YTHDC2: variants seen among roughly 807,000 people sequenced by gnomAD.
The protein encoded by YTHDC2 is YTH N6-methyladenosine RNA binding protein C2.
A neutral mutation model predicts 174.9 loss-of-function variants in YTHDC2; 45 were observed. The observed-to-expected ratio is 0.26, with a 90% CI of 0.20 to 0.33. The LOEUF (loss-of-function observed/expected upper bound fraction) is 0.33. YTHDC2 is among the 10% of genes least tolerant of loss of function. YTHDC2 has a pLI of 1.00. For synonymous variants in YTHDC2, 657 were observed against 574.5 expected, an observed-to-expected ratio of 1.14 and a Z score of -2.05; for missense variants, 1,650 against 1,723.7, an observed-to-expected ratio of 0.96 and a Z score of 0.76.
rs1267207789 is a variant in YTHDC2 at position 113,581,407 on chromosome 5, A to G, written c.3355-10A>G. 6.4e-7 allele frequency: 1 copy of G among 1,571,710 alleles called. No individual in the cohort carries two copies. ...TATTCATTTGCTTGTATCTATTTGA[A>G]CTATTACAGGCAGCTAGTTTATTGC... is the stretch of plus-strand genomic sequence containing the variant. On this transcript the variant is annotated splice_polypyrimidine_tract_variant and intron_variant, in intron 24 of 29. Coordinates refer to ENST00000161863, the MANE Select transcript of YTHDC2 (RefSeq NM_022828.5).
At chr5:113,540,362 T>C (rs1482838907) in intron 8 of YTHDC2, among the ~76,000 whole-genome samples, 2 of 152,220 alleles carry the variant, frequency 1.3e-5, no homozygotes, top group African/African-American at 2.4e-5. Flanking sequence ...AGTAAACTTA[T>C]TAGTAGGACT....
chr5:113,526,649 A>T lies in YTHDC2; in HGVS notation c.539A>T (p.Lys180Ile), dbSNP rs772155754. 1.2e-6 allele frequency: 2 copies of T among 1,606,316 alleles called. No homozygotes were observed. Among genetic ancestry groups the T allele is most frequent in the Admixed American group, 3.4e-5 (2 of 59,224 alleles). The change falls in exon 4 of 30, where the codon AAA (lysine) becomes ATA (isoleucine). Residue 180 changes from lysine (K) to isoleucine (I), a missense_variant. Coordinates refer to ENST00000161863, the MANE Select transcript of YTHDC2 (RefSeq NM_022828.5). ...AATGGCATACCTCAGATTCCAGTGAAAAGAGGAGAATCCGAATTTGATTCT... is the reference window on the plus strand; with the variant it reads ...AATGGCATACCTCAGATTCCAGTGATAAGAGGAGAATCCGAATTTGATTCT... ...LNNGIPQIPV[K>I]RGESEFDSFR...
chr5:113,574,365 G>C (rs1222004015), intron 23 of YTHDC2, among the ~76,000 whole-genome samples: 17 of 152,138 alleles, frequency 1.1e-4, no homozygotes, highest in Admixed American at 1.1e-3. Context: ...TTATTGGCCT[G>C]TTGCTGGCCC....
chr5:113,539,689 T>G (rs965455294), intron 8 of YTHDC2, among the ~76,000 whole-genome samples: 1 of 152,208 alleles, frequency 6.6e-6, no homozygotes, highest in Non-Finnish European at 1.5e-5. Context: ...TCAGATTTCT[T>G]TTTCTTAATT....
intron 2 of YTHDC2, among the ~76,000 whole-genome samples, chr5:113,516,585 A>G (rs1226042411): frequency 3.3e-5 from 5 of 152,176 alleles, no homozygotes; most frequent in African/African-American, 9.7e-5. Context: ...TTACTACTAC[A>G]TGCCACTAAC....
chr5:113,574,116 G>GA (rs1777892760), intron 23 of YTHDC2, among the ~76,000 whole-genome samples: 1 of 152,114 alleles, frequency 6.6e-6, no homozygotes, highest in Non-Finnish European at 1.5e-5. Context: ...GATCTTTGAG[G>GA]ATGCTGACCT....
At chr5:113,557,093 CAA>C (rs1269880389) in intron 17 of YTHDC2, among the ~76,000 whole-genome samples, 1 of 152,018 alleles carries the variant, frequency 6.6e-6, no homozygotes, top group Non-Finnish European at 1.5e-5. Flanking sequence ...TATTTTGACA[CAA>C]ATGCATCGAG....
chr5:113,539,667 T>C (rs1245548254), intron 8 of YTHDC2, among the ~76,000 whole-genome samples: 1 of 152,196 alleles, frequency 6.6e-6, no homozygotes, highest in African/African-American at 2.4e-5. Flanking sequence ...ATTTCAGCTT[T>C]TGAATTAGGG....
chr5:113,556,837 C>T (rs114380680), intron 17 of YTHDC2, among the ~76,000 whole-genome samples: 53 of 152,284 alleles, frequency 3.5e-4, no homozygotes, highest in Non-Finnish European at 6.3e-4. Context: ...ATGTTTAAGA[C>T]TGTTCTTTGA....
rs1388155993 is a variant in YTHDC2 at position 113,554,037 on chromosome 5, G to A, written c.2133+15G>A. The A allele has an allele frequency of 6.7e-7, 1 of 1,492,340 alleles. No homozygotes were observed. The allele number at this position is 1,492,340 out of a possible 1,614,324, so 92.4% of individuals were successfully genotyped here. ...AGGTGAAAGAGGTATGTATGGGTAA[G>A]TTGTAGTTTTACTTAAATGAAGAAG... On this transcript the variant is annotated intron_variant, in intron 16 of 29. Transcript: ENST00000161863.
chr5:113,524,952 G>C (rs757071684), intron 2 of YTHDC2, 29 bp from the exon 3 acceptor site: 1 of 1,491,888 alleles, frequency 6.7e-7, no homozygotes, highest in Non-Finnish European at 9.0e-7. Context: ...ACTTTATATA[G>C]TAAATAAATG....
At chr5:113,527,198 C>T (rs1774321702) in intron 4 of YTHDC2, among the ~76,000 whole-genome samples, 1 of 152,082 alleles carries the variant, frequency 6.6e-6, no homozygotes, top group Non-Finnish European at 1.5e-5. Flanking sequence ...TCATTGCTAC[C>T]TTTCACAGTG....
intron 23 of YTHDC2, among the ~76,000 whole-genome samples, chr5:113,574,662 A>T (rs543637079): frequency 6.6e-6 from 1 of 152,292 alleles, no homozygotes; most frequent in Non-Finnish European, 1.5e-5. Flanking sequence ...ATCCCAAGCC[A>T]GTAGGTCATA....
chr5:113,525,397 T>G (rs1417950394), intron 3 of YTHDC2, among the ~76,000 whole-genome samples: 1 of 152,020 alleles, frequency 6.6e-6, no homozygotes, highest in Non-Finnish European at 1.5e-5. Flanking sequence ...AATAATAATA[T>G]CAATAGCTAC....
intron 4 of YTHDC2, among the ~76,000 whole-genome samples, chr5:113,532,434 T>C (rs1774737777): frequency 1.3e-5 from 2 of 152,200 alleles, no homozygotes; most frequent in African/African-American, 4.8e-5. Context: ...GATTATAGAC[T>C]ATTTTTGTTT....
At chr5:113,575,800 AG>A (rs1395149032) in intron 23 of YTHDC2, among the ~76,000 whole-genome samples, 2 of 152,240 alleles carry the variant, frequency 1.3e-5, no homozygotes, top group African/African-American at 2.4e-5. Flanking sequence ...AGTAATTACA[AG>A]AATAGAAGAG....
intron 4 of YTHDC2, among the ~76,000 whole-genome samples, chr5:113,531,468 G>T (rs13171920): frequency 3.9e-5 from 6 of 152,016 alleles, no homozygotes; most frequent in Admixed American, 3.9e-4. Context: ...GCAATTATGT[G>T]GTCCTAAGAC....
chr5:113,526,731 G>A lies in YTHDC2; in HGVS notation c.621G>A (p.Lys207=). 1.3e-5 allele frequency: 20 copies of A among 1,569,056 alleles called. No homozygotes were observed. The highest frequency in any genetic ancestry group is 1.5e-5 in the Non-Finnish European group (17 of 1,157,152). ...EKQEEIVKII[K]ENKVVLIVGE... ...AGGAAGAAATTGTTAAAATAATTAA[G>A]GAAAATAAAGTAGTTTTGATTGTAG... is the stretch of plus-strand genomic sequence containing the variant. Residue 207 remains lysine (K), a synonymous_variant, in exon 4 of 30, where the codon AAG becomes AAA. Transcript: ENST00000161863.
At chr5:113,556,465 C>G (rs1350930631) in intron 17 of YTHDC2, 1 of 171,308 alleles carries the variant, frequency 5.8e-6, no homozygotes, top group East Asian at 1.6e-4. Flanking sequence ...AACTAAAGGC[C>G]AATAATCCAG....
Sources: gnomAD v4.1 joint callset for allele counts (sites outside exome capture counted in the v4.1 genomes callset) on GRCh38, gnomAD v4.1.1 for gene constraint, MANE v1.5 for transcripts, NCBI Gene and HGNC (gene_info 2026-07-23, HGNC 2026-07-21) for gene names.